Variants in RTCB observed in about 807,000 individuals in gnomAD.
RTCB encodes RNA-splicing ligase RTCB.
A neutral mutation model predicts 58.2 loss-of-function variants in RTCB; 32 were observed. The ratio of observed to expected loss-of-function variants is 0.55; its 90% CI spans 0.41 to 0.74. RTCB has a LOEUF of 0.74. RTCB is among the 30% of genes least tolerant of loss of function. The probability of loss-of-function intolerance (pLI) is 0.00; values close to 1 mark genes in which losing one functional copy is unlikely to be tolerated. For missense variants in RTCB, 523 were observed against 639.0 expected, an observed-to-expected ratio of 0.82 and a Z score of 1.96; for synonymous variants, 247 against 218.6, an observed-to-expected ratio of 1.13 and a Z score of -1.15.
Position 32,395,190 on chromosome 22 carries a change from T to A in RTCB, c.1015A>T (p.Thr339Ser). 6.2e-7 allele frequency: 1 copy of A among 1,614,132 alleles called. No homozygotes were observed. The highest frequency in any genetic ancestry group is 8.5e-7 in the Non-Finnish European group (1 of 1,180,014). ...ACATGTAGGTCCAAGTCATCAGGGGTTGTGTTGAAGACCTTGGCGAAAGCC... is the reference window on the plus strand; with the variant it reads ...ACATGTAGGTCCAAGTCATCAGGGGATGTGTTGAAGACCTTGGCGAAAGCC... Reference protein sequence around the residue: ...RQAFAKVFNTTPDDLDLHVIY... With the variant: ...RQAFAKVFNTSPDDLDLHVIY... Residue 339 changes from threonine (T) to serine (S), a missense_variant, in exon 9 of 12, where the codon ACC becomes TCC. Physicochemically the swap from Thr to Ser is moderately conservative, Grantham distance 58 (BLOSUM62 1). Coordinates refer to ENST00000216038, the MANE Select transcript of RTCB (RefSeq NM_014306.5).
rs766928941 is a variant in RTCB at position 32,401,862 on chromosome 22, T to C, written c.382A>G (p.Arg128Gly). The C allele has an allele frequency of 6.2e-6, 10 of 1,614,164 alleles. No individual in the cohort carries two copies. The Admixed American group carries it at 1.5e-4, about 24-fold the overall frequency. ...FDINCGVRLLRTNLDESDVQP... is the reference protein window; with the variant it reads ...FDINCGVRLLGTNLDESDVQP... ...ACATCACTTTCATCTAAATTGGTTC[T>C]TAGCAAGCGGACACCACAGTTGATG... The change falls in exon 5 of 12, where the codon AGA becomes GGA. Residue 128 changes from arginine (R) to glycine (G), a missense_variant. Arg to Gly is a moderately radical substitution (Grantham distance 125). Around this residue, in one of 3 missense-constraint regions of RTCB, gnomAD observed 141 missense variants for 216.7 expected, o/e 0.65. Coordinates refer to ENST00000216038, the MANE Select transcript of RTCB (RefSeq NM_014306.5).
At chr22:32,399,868 G>T in intron 5 of RTCB, 109 bp from the exon 6 acceptor site, 1 of 1,043,858 alleles carries the variant, frequency 9.6e-7, no homozygotes, top group Non-Finnish European at 1.4e-6. Context: ...ACTATCTCCT[G>T]TGTTCCAAGC....
At position 32,408,257 on chromosome 22, in the gene RTCB, T is replaced by G; in HGVS notation, c.173-15A>C. 1 of 1,611,646 alleles carries G rather than the reference T, an allele frequency of 6.2e-7. No individual in the cohort carries two copies. The highest frequency in any genetic ancestry group is 8.5e-7 in the Non-Finnish European group (1 of 1,177,968). ...GCCACCAACACCTGAAGACAAAAAT[T>G]GGGTATTAGAAAAGACAACACACTT... On this transcript the variant is annotated splice_polypyrimidine_tract_variant and intron_variant, in intron 2 of 11. Transcript: ENST00000216038.
At chr22:32,392,506 C>G (rs748936957) in intron 10 of RTCB, 147 bp from the exon 11 acceptor site, 13 of 1,050,676 alleles carry the variant, frequency 1.2e-5, no homozygotes, top group Admixed American at 2.0e-5. Context: ...TCATCATATC[C>G]TTTTAGATTT....
intron 8 of RTCB, among the ~76,000 whole-genome samples, chr22:32,395,581 C>T (rs1046035158): frequency 2.6e-5 from 4 of 152,216 alleles, no homozygotes; most frequent in Admixed American, 2.0e-4. Context: ...ATGCCTGATA[C>T]TCTGATGATT....
At chr22:32,396,637 A>G (rs892694758) in intron 7 of RTCB, among the ~76,000 whole-genome samples, 3 of 152,224 alleles carry the variant, frequency 2.0e-5, no homozygotes, top group Non-Finnish European at 4.4e-5. Context: ...GCAGAGAAGT[A>G]CTCAGGGGAA....
At chr22:32,389,141 T>C (rs1332166986) in intron 11 of RTCB, among the ~76,000 whole-genome samples, 2 of 152,186 alleles carry the variant, frequency 1.3e-5, no homozygotes, top group African/African-American at 4.8e-5. Context: ...CCTTTGGCTG[T>C]AGTTATCTGT....
rs565053068 is a variant in RTCB, at chr22:32,397,649, C to T, written c.814+292G>A. ...TTGCTCTTTCTTGGCCAGATAGTAA[C>T]TCATAAGAGTAAACATAACAATAAC... is the stretch of plus-strand genomic sequence containing the variant. On this transcript the variant is annotated intron_variant, in intron 7 of 11. Coordinates refer to ENST00000216038, the MANE Select transcript of RTCB (RefSeq NM_014306.5). Among the ~76,000 whole-genome samples the T allele has an allele frequency of 2.6e-5, 4 of 152,268 alleles. No individual in the cohort carries two copies. In the East Asian group the frequency reaches 7.7e-4, roughly 29 times the overall value.
intron 5 of RTCB, among the ~76,000 whole-genome samples, chr22:32,400,366 C>T (rs1249666023): frequency 6.6e-6 from 1 of 152,212 alleles, no homozygotes; most frequent in African/African-American, 2.4e-5. Context: ...AATCTTCATC[C>T]AAGGTCCAGC....
In RTCB at chr22:32,406,703, G is replaced by T; in HGVS notation, c.299C>A (p.Ala100Glu). The T allele has an allele frequency of 1.2e-6, 2 of 1,612,644 alleles. No individual in the cohort carries two copies. The highest frequency in any genetic ancestry group is 1.1e-5 in the South Asian group (1 of 91,062). Residue 100 changes from alanine (A) to glutamate (E), a missense_variant, in exon 4 of 12, where the codon GCA becomes GAA. Ala to Glu is a moderately radical substitution (Grantham distance 107). Around this residue, in one of 3 missense-constraint regions of RTCB, gnomAD observed 134 missense variants for 129.9 expected, o/e 1.03. Transcript: ENST00000216038. ...TTCAGGGTCATTCATATCAAAGGCT[G>T]CCATGTTCCCAATAGCAAACCCATA... ...SGYGFAIGNM[A>E]AFDMNDPEAV...
At position 32,389,572 on chromosome 22, in the gene RTCB, G is replaced by A. The variant is rs375673318; in HGVS notation, c.1411-1473C>T. On this transcript the variant is annotated intron_variant, in intron 11 of 11. Coordinates refer to ENST00000216038, the MANE Select transcript of RTCB (RefSeq NM_014306.5). ...AGCGATACTCTCACCTCAGCCTCCC[G>A]AAAGTGCTGGGATTACAGGTGTGAG... Among the ~76,000 whole-genome samples the A allele has an allele frequency of 4.6e-5, 7 of 151,934 alleles. No individual in the cohort carries two copies. In the East Asian group the frequency reaches 9.7e-4, roughly 21 times the overall value.
rs146836672 is a variant in RTCB, at chr22:32,396,069, T to C, written c.990+5A>G. The C allele has an allele frequency of 7.0e-4, 1,127 of 1,613,618 alleles. 3 individuals are homozygous for C. In the African/African-American group the frequency reaches 0.013, roughly 18 times the overall value. On this transcript the variant is annotated splice_donor_5th_base_variant and intron_variant, in intron 8 of 11. Coordinates refer to ENST00000216038, the MANE Select transcript of RTCB (RefSeq NM_014306.5). The stretch of plus-strand genomic sequence containing the variant: ...CTCGGAACAGAAGAGCAACTTCTAC[T>C]GTACCTGACGGGTTAAGAAGGTCAT...
chr22:32,395,165 A>T lies in RTCB; in HGVS notation c.1040T>A (p.Val347Glu). ...AATGTTGTGAGAAACATCATAGATC[A>T]CATGTAGGTCCAAGTCATCAGGGGT... ...NTTPDDLDLH[V>E]IYDVSHNIAK... The change falls in exon 9 of 12, where the codon GTG becomes GAG. Residue 347 changes from valine (V) to glutamate (E), a missense_variant. Transcript: ENST00000216038. The T allele has an allele frequency of 1.2e-6, 2 of 1,614,218 alleles. No homozygotes were observed. Among genetic ancestry groups the T allele is most frequent in the Non-Finnish European group, 1.7e-6 (2 of 1,180,034 alleles).
intron 4 of RTCB, among the ~76,000 whole-genome samples, chr22:32,403,382 G>A (rs192728822): frequency 1.6e-4 from 25 of 151,932 alleles, no homozygotes; most frequent in Non-Finnish European, 2.2e-4. Flanking sequence ...ACTCCAGCCC[G>A]GGCAACAGAG....
chr22:32,407,864 C>A, intron 3 of RTCB: 1 of 304,554 alleles, frequency 3.3e-6, no homozygotes, highest in Non-Finnish European at 6.3e-6. Context: ...TGGGCTCAAG[C>A]AATCCTCCCA....
intron 8 of RTCB, among the ~76,000 whole-genome samples, chr22:32,395,544 A>G (rs951698725): frequency 6.6e-6 from 1 of 152,234 alleles, no homozygotes; most frequent in Non-Finnish European, 1.5e-5. Context: ...TTCTAGGAAT[A>G]ATTTTGATTC....
rs1224771481 is a variant in RTCB, at chr22:32,393,932, T to C, written c.1250A>G (p.Gln417Arg). Residue 417 changes from glutamine (Q) to arginine (R), a missense_variant, in exon 10 of 12, where the codon CAG becomes CGG. Coordinates refer to ENST00000216038, the MANE Select transcript of RTCB (RefSeq NM_014306.5). Reference sequence around the variant, plus strand: ...TGTTCCAAAGGTCTCAGTCATGCCCTGTTCAGTGCCAGTAAGAACATAACT... The same window carrying C: ...TGTTCCAAAGGTCTCAGTCATGCCCCGTTCAGTGCCAGTAAGAACATAACT... Reference protein sequence around the residue: ...TCSYVLTGTEQGMTETFGTTC... With the variant: ...TCSYVLTGTERGMTETFGTTC... 2 of 1,614,036 alleles carry C rather than the reference T, an allele frequency of 1.2e-6. No individual in the cohort carries two copies. The highest frequency in any genetic ancestry group is 1.7e-6 in the Non-Finnish European group (2 of 1,179,990).
chr22:32,411,538 G>A (rs1990750288), intron 1 of RTCB, among the ~76,000 whole-genome samples: 1 of 152,146 alleles, frequency 6.6e-6, no homozygotes, highest in Admixed American at 6.5e-5. Flanking sequence ...AAATCAAACA[G>A]GCCCTGCCCT....
intron 7 of RTCB, among the ~76,000 whole-genome samples, chr22:32,396,925 G>A (rs540957585): frequency 2.6e-5 from 4 of 152,306 alleles, no homozygotes; most frequent in African/African-American, 4.8e-5. Context: ...ATGCTGGCAA[G>A]CTGACAACTG....
Sources: allele counts gnomAD v4.1 joint callset (sites outside exome capture counted in the v4.1 genomes callset), GRCh38; gene constraint gnomAD v4.1.1; regional missense constraint gnomAD v4.1.1; transcripts MANE v1.5; gene names NCBI Gene and HGNC (gene_info 2026-07-23, HGNC 2026-07-21).